ASPG: variants seen among roughly 807,000 people sequenced by gnomAD.
ASPG encodes the protein asparaginase.
A neutral mutation model predicts 63.2 loss-of-function variants in ASPG; 53 were observed. That is an observed-to-expected ratio of 0.84 (90% CI 0.67 to 1.05). The LOEUF is 1.05. Among genes scored for constraint, ASPG ranks in the 50% least tolerant of loss-of-function variants. The pLI, the probability that ASPG is intolerant of heterozygous loss-of-function variation, is 0.00. For synonymous variants in ASPG, 370 were observed against 355.0 expected, an observed-to-expected ratio of 1.04 and a Z score of -0.48; for missense variants, 741 against 794.4, an observed-to-expected ratio of 0.93 and a Z score of 0.81.
At chr14:104,099,461 C>T (rs2141013719) in intron 6 of ASPG, among the ~76,000 whole-genome samples, 1 of 152,314 alleles carries the variant, frequency 6.6e-6, no homozygotes, top group Non-Finnish European at 1.5e-5. Flanking sequence ...AAGCCCGCCC[C>T]CTGGCCCTGG....
In ASPG at chr14:104,109,448, G is replaced by GT; in HGVS notation, c.1520+134dup. On this transcript the variant is annotated intron_variant, in intron 13 of 15. Transcript: ENST00000551177. This position sits in a 1 kb window ranked among gnomAD's most constrained non-coding sequence, Gnocchi z 4.8. ...TCAGAGGCGAGGCCCGCTGACCTCA[G>GT]TGTGCACCAACCTGGCTGATGGGAA... 1.0e-6 allele frequency: 1 copy of GT among 971,764 alleles called. No individual in the cohort carries two copies. Among genetic ancestry groups the GT allele is most frequent in the African/African-American group, 1.6e-5 (1 of 61,282 alleles). The allele number at this position is 971,764 out of a possible 1,614,324, so 60.2% of individuals were successfully genotyped here. A position where few individuals can be genotyped will look rare whatever the true frequency, so the allele number is the denominator to read the frequency against.
rs1026683806 is a variant in ASPG at position 104,112,046 on chromosome 14, T to C, written c.1701+46T>C. On this transcript the variant is annotated intron_variant, in intron 15 of 15. Transcript: ENST00000551177. Reference sequence around the variant, plus strand: ...GGGCTGACACCCCCCAGTGAGCTTCTAGTGCAGGGCTGGATCCTGGCTCGG... The same window carrying C: ...GGGCTGACACCCCCCAGTGAGCTTCCAGTGCAGGGCTGGATCCTGGCTCGG... The C allele has an allele frequency of 6.6e-6, 10 of 1,517,600 alleles. No homozygotes were observed. In the African/African-American group the frequency reaches 9.7e-5, roughly 15 times the overall value. 94.0% of individuals were successfully genotyped at this position (1,517,600 alleles called of 1,614,324 possible). A position where few individuals can be genotyped will look rare whatever the true frequency, so the allele number is the denominator to read the frequency against.
At position 104,115,095 on chromosome 14, in the gene ASPG, A is replaced by G. The variant is rs2037444255; in HGVS notation, c.*2551A>G. Reference sequence around the variant, plus strand: ...CTGGATCCCAGGGCTATCTCTGGGGAACATCTCCTCTCCATCACGACTACT... The same window carrying G: ...CTGGATCCCAGGGCTATCTCTGGGGGACATCTCCTCTCCATCACGACTACT... On this transcript the variant is annotated 3_prime_UTR_variant, in exon 16 of 16. Transcript: ENST00000551177. 6.6e-6 allele frequency: 1 copy of G among 152,086 alleles called. No individual in the cohort carries two copies. The highest frequency in any genetic ancestry group is 2.4e-5 in the African/African-American group (1 of 41,410). The allele number at this position is 152,086 out of a possible 1,614,324, so 9.4% of individuals were successfully genotyped here. A position where few individuals can be genotyped will look rare whatever the true frequency, so the allele number is the denominator to read the frequency against.
chr14:104,097,419 C>A, intron 4 of ASPG, 135 bp from the exon 5 acceptor site: 1 of 827,642 alleles, frequency 1.2e-6, no homozygotes, highest in Non-Finnish European at 1.8e-6. Context: ...GCAGTCCAAG[C>A]CCGCCTGTCC....
rs757734589 is a variant in ASPG, at chr14:104,112,824, C to T, written c.*280C>T. 7.1e-6 allele frequency: 4 copies of T among 565,272 alleles called. No individual in the cohort carries two copies. Among genetic ancestry groups the T allele is most frequent in the Non-Finnish European group, 1.2e-5 (4 of 329,628 alleles). The allele number at this position is 565,272 out of a possible 1,614,324, so 35.0% of individuals were successfully genotyped here. On this transcript the variant is annotated 3_prime_UTR_variant, in exon 16 of 16. Coordinates refer to ENST00000551177, the MANE Select transcript of ASPG (RefSeq NM_001080464.3). Reference sequence around the variant, plus strand: ...CTCTGCGGGGGTCACTTGGCCCATCCTTCCGGGGGCAGCTGTGCGTGTGAG... The same window carrying T: ...CTCTGCGGGGGTCACTTGGCCCATCTTTCCGGGGGCAGCTGTGCGTGTGAG...
At position 104,093,423 on chromosome 14, in the gene ASPG, C is replaced by A. The variant is rs1265018818; in HGVS notation, c.192-68C>A. The A allele has an allele frequency of 2.9e-6, 4 of 1,376,426 alleles. No individual in the cohort carries two copies. In the East Asian group the frequency reaches 9.2e-5, roughly 32 times the overall value. 85.3% of individuals were successfully genotyped at this position (1,376,426 alleles called of 1,614,324 possible). On this transcript the variant is annotated intron_variant, in intron 2 of 15. Coordinates refer to ENST00000551177, the MANE Select transcript of ASPG (RefSeq NM_001080464.3). Reference sequence around the variant, plus strand: ...CAGAGGGGAACAGAGCGGGTCAGGGCATTTAGAGCAGGAGGAGGTGCAGAG... The same window carrying A: ...CAGAGGGGAACAGAGCGGGTCAGGGAATTTAGAGCAGGAGGAGGTGCAGAG...
intron 1 of ASPG, among the ~76,000 whole-genome samples, chr14:104,086,258 C>T (rs2036219645): frequency 6.6e-6 from 1 of 152,166 alleles, no homozygotes; most frequent in Non-Finnish European, 1.5e-5. Flanking sequence ...GCTGCGAGGA[C>T]CCCTCAACTG....
chr14:104,105,950 C>T (rs1057397655), intron 10 of ASPG, among the ~76,000 whole-genome samples: 6 of 152,380 alleles, frequency 3.9e-5, no homozygotes, highest in African/African-American at 1.4e-4. Flanking sequence ...AACATGCCCC[C>T]TTGGCTGCTG....
rs938960502 is a variant in ASPG, at chr14:104,112,020, G to A, written c.1701+20G>A. On this transcript the variant is annotated intron_variant, in intron 15 of 15. Transcript: ENST00000551177. ...TGCCCAGTAAGTCCCCACCCCAGGC[G>A]GGGCTGACACCCCCCAGTGAGCTTC... is the stretch of plus-strand genomic sequence containing the variant. 1.2e-5 allele frequency: 19 copies of A among 1,547,688 alleles called. No individual in the cohort carries two copies. Among genetic ancestry groups the A allele is most frequent in the Middle Eastern group, 1.7e-4 (1 of 5,912 alleles).
chr14:104,088,137 A>G (rs748559289), intron 1 of ASPG, among the ~76,000 whole-genome samples: 4 of 152,202 alleles, frequency 2.6e-5, no homozygotes, highest in Non-Finnish European at 5.9e-5. Flanking sequence ...TCAGGCGTCA[A>G]TGATTTACTC....
intron 1 of ASPG, among the ~76,000 whole-genome samples, chr14:104,090,935 G>C (rs192845118): frequency 0.013 from 2,027 of 152,258 alleles, 12 homozygotes; most frequent in Middle Eastern, 0.017. Flanking sequence ...GTGCGATCTT[G>C]GCTCACTGCA....
At position 104,104,330 on chromosome 14, in the gene ASPG, G is replaced by C; in HGVS notation, c.780G>C (p.Leu260=). ...TTCGGGCCTTCTTGCAGCCTCCCCTGAAGGGCGTGGTCATGGAGACCTTCG... is the reference window on the plus strand; with the variant it reads ...TTCGGGCCTTCTTGCAGCCTCCCCTCAAGGGCGTGGTCATGGAGACCTTCG... ...ALVRAFLQPP[L]KGVVMETFGS... Residue 260 remains leucine, a synonymous_variant, in exon 8 of 16, where the codon CTG becomes CTC. Transcript: ENST00000551177. 6.2e-7 allele frequency: 1 copy of C among 1,612,496 alleles called. No homozygotes were observed. The highest frequency in any genetic ancestry group is 8.5e-7 in the Non-Finnish European group (1 of 1,179,724).
chr14:104,103,660 G>T lies in ASPG; in HGVS notation c.738G>T (p.Gly246=). 2 of 1,547,846 alleles carry T rather than the reference G, an allele frequency of 1.3e-6. No homozygotes were observed. Among genetic ancestry groups the T allele is most frequent in the African/African-American group, 1.4e-5 (1 of 73,088 alleles). The change falls in exon 7 of 16, where the codon GGG becomes GGT. Residue 246 remains glycine (G), a synonymous_variant. Transcript: ENST00000551177. ...QDVGLLRLYP[G]IPAALVRAFL... ...TGGGCCTGCTGCGCCTCTACCCTGG[G>T]ATCCCTGCCGCCCTGGTAGGGACCG...
At chr14:104,098,181 G>A (rs893761174) in intron 5 of ASPG, among the ~76,000 whole-genome samples, 1 of 152,086 alleles carries the variant, frequency 6.6e-6, no homozygotes, top group Admixed American at 6.5e-5. Context: ...GAGGTTCTGC[G>A]TTAGAGATGC....
chr14:104,105,191 G>A (rs551599558), intron 9 of ASPG, 137 bp from the exon 10 acceptor site: 31 of 1,389,302 alleles, frequency 2.2e-5, no homozygotes, highest in African/African-American at 7.1e-5. Flanking sequence ...GCTCTGGCCC[G>A]AGGGATGAAG....
intron 6 of ASPG, among the ~76,000 whole-genome samples, chr14:104,100,643 C>A (rs542363578): frequency 6.6e-6 from 1 of 152,162 alleles, no homozygotes; most frequent in African/African-American, 2.4e-5. Flanking sequence ...GAGTGTGAGG[C>A]CCAGAACACA....
At chr14:104,093,213 G>A (rs1158247396) in intron 2 of ASPG, 5 of 555,822 alleles carry the variant, frequency 9.0e-6, no homozygotes, top group Non-Finnish European at 1.6e-5. Flanking sequence ...CTCCTGCCTG[G>A]GGATGGCTGG....
At chr14:104,111,809 C>A in intron 14 of ASPG, 111 bp from the exon 15 acceptor site, 1 of 1,130,368 alleles carries the variant, frequency 8.8e-7, no homozygotes, top group East Asian at 2.6e-5. Context: ...GCTGCTGGGG[C>A]CCTGTGTGTG....
Position 104,109,384 on chromosome 14 carries a change from C to T in ASPG, c.1520+69C>T, listed in dbSNP as rs902721685. On this transcript the variant is annotated intron_variant, in intron 13 of 15. Transcript: ENST00000551177. The surrounding 1 kb of genome is among the most constrained non-coding windows in gnomAD (Gnocchi z 4.8). ...CACAGCTTGGGGAAGCGAAGCCAGA[C>T]CTGCTGGGAGGGACAAGTGAGTCAG... 6.7e-7 allele frequency: 1 copy of T among 1,490,514 alleles called. No homozygotes were observed. The highest frequency in any genetic ancestry group is 2.0e-5 in the Admixed American group (1 of 49,038). 92.3% of individuals were successfully genotyped at this position (1,490,514 alleles called of 1,614,324 possible). A position where few individuals can be genotyped will look rare whatever the true frequency, so the allele number is the denominator to read the frequency against.
Sources: gnomAD v4.1 joint callset for allele counts (sites outside exome capture counted in the v4.1 genomes callset) on GRCh38, gnomAD v4.1.1 for gene constraint, Gnocchi (gnomAD v3.1) non-coding constraint, MANE v1.5 for transcripts, NCBI Gene and HGNC (gene_info 2026-07-23, HGNC 2026-07-21) for gene names.